Variants in MYO10 observed in about 807,000 individuals in gnomAD.
MYO10 encodes the protein myosin X.
Under a neutral mutation model 257.3 loss-of-function variants are expected in MYO10, and 133 were observed. The ratio of observed to expected loss-of-function variants is 0.52; its 90% confidence interval spans 0.45 to 0.60. The LOEUF (loss-of-function observed/expected upper bound fraction) is 0.60. Ranked by LOEUF, MYO10 falls within the 20% of genes least tolerant of loss-of-function variation. MYO10 has a pLI of 0.00. For synonymous variants in MYO10, 1,104 were observed against 1,028.6 expected, an observed-to-expected ratio of 1.07 and a Z score of -1.40; for missense variants, 2,399 against 2,635.7, an observed-to-expected ratio of 0.91 and a Z score of 1.97.
Position 16,710,899 on chromosome 5 carries a change from G to T in MYO10, c.2169+9C>A. On this transcript the variant is annotated intron_variant, in intron 21 of 40. Transcript: ENST00000513610. ...ATTCGGTGGGAGTTGCTCTTTCTCCGCATCGTACCTTGGTCTTCCCCAGCT... is the reference window on the plus strand; with the variant it reads ...ATTCGGTGGGAGTTGCTCTTTCTCCTCATCGTACCTTGGTCTTCCCCAGCT... 1.2e-6 allele frequency: 2 copies of T among 1,609,984 alleles called. No homozygotes were observed. The highest frequency in any genetic ancestry group is 1.7e-6 in the Non-Finnish European group (2 of 1,177,918).
chr5:16,676,210 A>G (rs1444759397), intron 33 of MYO10, 56 bp from the exon 34 acceptor site: 6 of 1,591,044 alleles, frequency 3.8e-6, no homozygotes, highest in Non-Finnish European at 5.1e-6. Context: ...CTACATATAA[A>G]TATTTTTCAA....
At chr5:16,790,725 C>T (rs576958771) in intron 4 of MYO10, among the ~76,000 whole-genome samples, 14 of 152,150 alleles carry the variant, frequency 9.2e-5, no homozygotes, top group Admixed American at 5.9e-4. Context: ...TGCCCAGTCT[C>T]GAGCATATCT....
intron 9 of MYO10, among the ~76,000 whole-genome samples, chr5:16,769,980 C>G (rs1001590050): frequency 6.6e-6 from 1 of 151,916 alleles, no homozygotes; most frequent in African/African-American, 2.4e-5. Context: ...GTTGGCCAGG[C>G]TGGTCTCAAA....
chr5:16,874,520 T>G (rs2126759526), intron 2 of MYO10, among the ~76,000 whole-genome samples: 1 of 152,250 alleles, frequency 6.6e-6, no homozygotes, highest in East Asian at 1.9e-4. Flanking sequence ...CTCTCAAGTT[T>G]GAAGTTCCAG....
intron 19 of MYO10, among the ~76,000 whole-genome samples, chr5:16,733,780 G>A (rs1405362064): frequency 1.3e-5 from 2 of 152,146 alleles, no homozygotes; most frequent in African/African-American, 2.4e-5. Flanking sequence ...GCACTCAAAG[G>A]CCAGGTTATT....
chr5:16,863,508 A>G (rs75552586), intron 2 of MYO10, among the ~76,000 whole-genome samples: 8,632 of 152,276 alleles, frequency 0.057, 332 homozygotes, highest in South Asian at 0.16. Context: ...AAGGTCTACA[A>G]CACCTCACAT....
At chr5:16,715,625 A>C (rs982500129) in intron 19 of MYO10, among the ~76,000 whole-genome samples, 1 of 151,424 alleles carries the variant, frequency 6.6e-6, no homozygotes, top group African/African-American at 2.4e-5. Context: ...GAGGTGACGA[A>C]AATGTTCTAA....
At chr5:16,872,459 T>C (rs1437426356) in intron 2 of MYO10, among the ~76,000 whole-genome samples, 1 of 152,132 alleles carries the variant, frequency 6.6e-6, no homozygotes, top group African/African-American at 2.4e-5. Flanking sequence ...CACACAACAA[T>C]GTGAATAAAC....
chr5:16,757,609 A>T (rs997085864), intron 18 of MYO10, among the ~76,000 whole-genome samples: 2 of 152,180 alleles, frequency 1.3e-5, no homozygotes, highest in African/African-American at 4.8e-5. Flanking sequence ...TTATTTTTTT[A>T]AAAAGGATCT....
At chr5:16,729,908 G>A (rs766918129) in intron 19 of MYO10, among the ~76,000 whole-genome samples, 3 of 152,042 alleles carry the variant, frequency 2.0e-5, no homozygotes, top group Non-Finnish European at 4.4e-5. Context: ...GCAGAGAAAC[G>A]AGGAAGATGT....
intron 19 of MYO10, among the ~76,000 whole-genome samples, chr5:16,736,528 C>T (rs1039193261): frequency 6.6e-6 from 1 of 152,152 alleles, no homozygotes; most frequent in Non-Finnish European, 1.5e-5. Context: ...CAAATGATGT[C>T]ACGACCAGGT....
intron 39 of MYO10, among the ~76,000 whole-genome samples, chr5:16,669,154 T>C (rs1234272507): frequency 1.3e-5 from 2 of 152,150 alleles, no homozygotes; most frequent in Non-Finnish European, 2.9e-5. Context: ...AAAGAGTCTC[T>C]AGTTTATATC....
At chr5:16,749,104 A>T (rs1442253823) in intron 19 of MYO10, among the ~76,000 whole-genome samples, 3 of 151,966 alleles carry the variant, frequency 2.0e-5, no homozygotes, top group Admixed American at 2.0e-4. Flanking sequence ...TTTCCAGCAA[A>T]TTTGGCTGCA....
chr5:16,710,723 A>C, intron 21 of MYO10, 185 bp downstream of exon 21: 3 of 586,844 alleles, frequency 5.1e-6, no homozygotes, highest in Non-Finnish European at 9.1e-6. Flanking sequence ...CAAGTCAAGG[A>C]CTTCACTTCA....
Position 16,694,435 on chromosome 5 carries a change from G to C in MYO10, c.3736C>G (p.Leu1246Val), listed in dbSNP as rs1345890935. The C allele has an allele frequency of 1.2e-6, 2 of 1,614,038 alleles. No homozygotes were observed. The highest frequency in any genetic ancestry group is 1.3e-5 in the African/African-American group (1 of 75,062). ...KRWFVLRQSKLMYFENDSEEK... is the reference protein window; with the variant it reads ...KRWFVLRQSKVMYFENDSEEK... ...TCGCTGTCGTTTTCAAAGTACATCA[G>C]CTTGGACTGGCGGAGGACAAACCAG... Residue 1246 changes from leucine (L) to valine (V), a missense_variant, in exon 27 of 41, where the codon CTG (leucine) becomes GTG (valine). By Grantham distance (32) the Leu-to-Val change is conservative. This residue lies in a region of MYO10 where 1,820 missense variants were observed against 1,939.4 expected (regional missense o/e 0.94). Coordinates refer to ENST00000513610, the MANE Select transcript of MYO10 (RefSeq NM_012334.3).
intron 1 of MYO10, among the ~76,000 whole-genome samples, chr5:16,881,720 C>A (rs144445235): frequency 1.3e-5 from 2 of 152,158 alleles, no homozygotes; most frequent in Non-Finnish European, 2.9e-5. Flanking sequence ...TCTGAGACCC[C>A]AATCTTTCTA....
intron 1 of MYO10, among the ~76,000 whole-genome samples, chr5:16,904,116 A>T (rs1224231044): frequency 6.5e-5 from 5 of 77,216 alleles, no homozygotes; most frequent in African/African-American, 5.7e-4. Flanking sequence ...CCAGTGAAAG[A>T]AATCAGTCAT....
At chr5:16,751,204 A>G (rs554755987) in intron 19 of MYO10, among the ~76,000 whole-genome samples, 1 of 152,268 alleles carries the variant, frequency 6.6e-6, no homozygotes, top group Admixed American at 6.5e-5. Flanking sequence ...ATCTCTGGAG[A>G]GGAAGAAGGC....
chr5:16,756,277 G>A (rs1018112478), intron 18 of MYO10, among the ~76,000 whole-genome samples: 3 of 152,006 alleles, frequency 2.0e-5, no homozygotes, highest in Admixed American at 6.6e-5. Context: ...TGTTGCCCAG[G>A]CTGGTCTCGA....
Sources: gnomAD v4.1 joint callset for allele counts (sites outside exome capture counted in the v4.1 genomes callset) on GRCh38, gnomAD v4.1.1 for gene constraint, gnomAD v4.1.1 regional missense constraint, MANE v1.5 for transcripts, NCBI Gene and HGNC (gene_info 2026-07-23, HGNC 2026-07-21) for gene names.